Variants in SMAD2 observed in about 807,000 individuals in gnomAD.
SMAD2 encodes the protein MAD homolog 2.
SMAD2 carries 8 observed loss-of-function variants against 64.4 expected under a neutral mutation model. That is an observed-to-expected ratio of 0.12 (90% CI 0.07 to 0.22). SMAD2 has a LOEUF of 0.22. Among genes scored for constraint, SMAD2 ranks in the 10% least tolerant of loss-of-function variants. SMAD2 has a pLI of 1.00. For missense variants in SMAD2, 289 were observed against 561.2 expected (o/e 0.51, Z 4.90); for synonymous variants, 203 against 195.8 (o/e 1.04, Z -0.31).
At position 47,848,687 on chromosome 18, in the gene SMAD2, T is replaced by A. The variant is rs1914770107; in HGVS notation, c.785A>T (p.Asp262Val). Residue 262 changes from aspartate (D) to valine (V), a missense_variant and splice_region_variant, in exon 8 of 11, where the codon GAT (aspartate) becomes GTT (valine). Asp to Val is a radical substitution (Grantham distance 152, BLOSUM62 -3). Transcript: ENST00000262160. Reference protein sequence around the residue: ...TTLSPVNHSLDLQPVTYSEPA... With the variant: ...TTLSPVNHSLVLQPVTYSEPA... ...TTCTGAGTAAGTAACTGGCTGTAAATCTGAAAAAGAAAAAAATAAAAAAAT... is the reference window on the plus strand; with the variant it reads ...TTCTGAGTAAGTAACTGGCTGTAAAACTGAAAAAGAAAAAAATAAAAAAAT... The A allele has an allele frequency of 6.2e-7, 1 of 1,603,494 alleles. No individual in the cohort carries two copies. Among genetic ancestry groups the A allele is most frequent in the Non-Finnish European group, 8.5e-7 (1 of 1,172,510 alleles).
intron 2 of SMAD2, among the ~76,000 whole-genome samples, chr18:47,894,449 T>G (rs971153853): frequency 1.3e-5 from 2 of 152,168 alleles, no homozygotes; most frequent in Admixed American, 1.3e-4. Context: ...GACTCCTTAC[T>G]ACCTATACAC....
At chr18:47,925,488 G>A (rs1298362565) in intron 1 of SMAD2, among the ~76,000 whole-genome samples, 3 of 152,190 alleles carry the variant, frequency 2.0e-5, no homozygotes, top group African/African-American at 7.2e-5. Context: ...TAAAGGCAGT[G>A]TCTAAATCCA....
intron 2 of SMAD2, among the ~76,000 whole-genome samples, chr18:47,895,990 CT>C (rs2033421843): frequency 6.6e-6 from 1 of 152,194 alleles, no homozygotes; most frequent in South Asian, 2.1e-4. Flanking sequence ...AAACTTCAGA[CT>C]TTTAAAGTAA....
intron 7 of SMAD2, among the ~76,000 whole-genome samples, chr18:47,850,189 A>ATTATATATATGTATAATATATAT (rs1291293884): frequency 1.0e-5 from 1 of 99,816 alleles, no homozygotes; most frequent in African/African-American, 4.1e-5. Context: ...TATATATATT[A>ATTATATATATGTATAATATATAT]TATATAGTAT....
chr18:47,848,348 C>T (rs777836211), intron 8 of SMAD2, 127 bp downstream of exon 8: 11 of 727,660 alleles, frequency 1.5e-5, no homozygotes, highest in Non-Finnish European at 2.0e-5. Flanking sequence ...TTAAATGTGT[C>T]GGCACTTAAA....
At chr18:47,859,867 T>C (rs1307203231) in intron 6 of SMAD2, among the ~76,000 whole-genome samples, 1 of 152,184 alleles carries the variant, frequency 6.6e-6, no homozygotes, top group East Asian at 1.9e-4. Flanking sequence ...ACATTATAAA[T>C]TTTAAAATGG....
chr18:47,840,019 T>C lies in SMAD2; in HGVS notation c.*1808A>G, dbSNP rs917293892. The C allele has an allele frequency of 1.7e-5, 4 of 233,078 alleles. No homozygotes were observed. Among genetic ancestry groups the C allele is most frequent in the African/African-American group, 8.8e-5 (4 of 45,336 alleles). The allele number at this position is 233,078 out of a possible 1,614,324, so 14.4% of individuals were successfully genotyped here. ...AGCAAAGGCAGGAACTGTAGTTGTC[T>C]TGTTCACCTTTACCCAAAGACTAAG... is the stretch of plus-strand genomic sequence containing the variant. On this transcript the variant is annotated 3_prime_UTR_variant, in exon 11 of 11. Transcript: ENST00000262160.
At chr18:47,911,009 G>C (rs982560756) in intron 1 of SMAD2, among the ~76,000 whole-genome samples, 3 of 152,104 alleles carry the variant, frequency 2.0e-5, no homozygotes, top group Non-Finnish European at 4.4e-5. Flanking sequence ...TCTCAAAAAA[G>C]GTCCTCAAAC....
At chr18:47,877,231 T>C (rs2032318689) in intron 2 of SMAD2, among the ~76,000 whole-genome samples, 2 of 151,368 alleles carry the variant, frequency 1.3e-5, no homozygotes, top group Admixed American at 6.6e-5. Flanking sequence ...ATTAAAAGCA[T>C]GCTGAACACT....
rs1377370237 is a variant in SMAD2 at position 47,812,615 on chromosome 18, A to G, written c.*29212T>C. The G allele has an allele frequency of 2.0e-5, 3 of 152,148 alleles. No homozygotes were observed. The highest frequency in any genetic ancestry group is 6.5e-5 in the Admixed American group (1 of 15,270). The allele number at this position is 152,148 out of a possible 1,614,324, so 9.4% of individuals were successfully genotyped here. ...CATGGGAGAACCACCCCCATAATAC[A>G]ATTACTTCCTTCCCTCAACATGTAG... On this transcript the variant is annotated 3_prime_UTR_variant, in exon 11 of 11. Transcript: ENST00000262160.
chr18:47,852,612 A>T (rs886958240), intron 6 of SMAD2, among the ~76,000 whole-genome samples: 1 of 152,192 alleles, frequency 6.6e-6, no homozygotes. Flanking sequence ...GTTTGGTAGA[A>T]TTCTTCTGTG....
Position 47,896,805 on chromosome 18 carries a change from C to T in SMAD2, c.-49G>A, listed in dbSNP as rs754849112. ...ACGCTAGGAAAACAGCCTCTTGTAT[C>T]GAACCTAGCAGAAATATTGAAAGGA... On this transcript the variant is annotated 5_prime_UTR_variant, in exon 2 of 11. Transcript: ENST00000262160. 9.9e-5 allele frequency: 158 copies of T among 1,587,950 alleles called. 1 individual carries two copies. The highest frequency in any genetic ancestry group is 5.0e-4 in the Middle Eastern group (3 of 6,048).
intron 7 of SMAD2, among the ~76,000 whole-genome samples, chr18:47,849,787 CGTTTGAGGCCAGGA>C (rs1232322176): frequency 6.6e-5 from 10 of 152,060 alleles, no homozygotes; most frequent in African/African-American, 2.4e-5. Flanking sequence ...GTGGGTGATT[CGTTTGAGGCCAGGA>C]GTTTGAGACC....
chr18:47,918,347 C>G (rs2034417735), intron 1 of SMAD2, among the ~76,000 whole-genome samples: 1 of 152,174 alleles, frequency 6.6e-6, no homozygotes, highest in South Asian at 2.1e-4. Context: ...TACTAGCAGC[C>G]AGACCTCCGC....
intron 6 of SMAD2, 68 bp from the exon 7 acceptor site, chr18:47,851,395 A>G (rs192712100): frequency 2.5e-5 from 25 of 989,624 alleles, no homozygotes; most frequent in Non-Finnish European, 3.7e-5. Context: ...TCATAAAACT[A>G]GCTTTATCTG....
Position 47,838,934 on chromosome 18 carries a change from A to T in SMAD2, c.*2893T>A, listed in dbSNP as rs1314667300. 2 of 233,194 alleles carry T rather than the reference A, an allele frequency of 8.6e-6. No individual in the cohort carries two copies. The highest frequency in any genetic ancestry group is 1.1e-4 in the Admixed American group (2 of 17,782). 14.4% of individuals were successfully genotyped at this position (233,194 alleles called of 1,614,324 possible). On this transcript the variant is annotated 3_prime_UTR_variant, in exon 11 of 11. Coordinates refer to ENST00000262160, the MANE Select transcript of SMAD2 (RefSeq NM_005901.6). ...GAATAAATCCTAAGTAATGTTGCTA[A>T]TTTAAATAAAGACAAAAATTCAACA...
Position 47,827,205 on chromosome 18 carries a change from G to C in SMAD2, c.*14622C>G, listed in dbSNP as rs946077837. 6.6e-6 allele frequency: 1 copy of C among 152,174 alleles called. No individual in the cohort carries two copies. The highest frequency in any genetic ancestry group is 2.4e-5 in the African/African-American group (1 of 41,436). 9.4% of individuals were successfully genotyped at this position (152,174 alleles called of 1,614,324 possible). A position where few individuals can be genotyped will look rare whatever the true frequency, so the allele number is the denominator to read the frequency against. On this transcript the variant is annotated 3_prime_UTR_variant, in exon 11 of 11. Coordinates refer to ENST00000262160, the MANE Select transcript of SMAD2 (RefSeq NM_005901.6). ...TCCAAGGTAACTGAAGTATTTGACT[G>C]TACAGGACTGCTTCCTTCAAGTGTT...
chr18:47,867,001 T>C (rs1296912287), intron 5 of SMAD2: 3 of 152,208 alleles, frequency 2.0e-5, no homozygotes, highest in Admixed American at 2.0e-4. Context: ...AAGGTTAGTA[T>C]TGCTGGCTGA....
chr18:47,889,978 A>G (rs1216838331), intron 2 of SMAD2, among the ~76,000 whole-genome samples: 1 of 152,206 alleles, frequency 6.6e-6, no homozygotes, highest in African/African-American at 2.4e-5. Flanking sequence ...TAATTTCAGT[A>G]ATTTTTATAA....
Sources: allele counts gnomAD v4.1 joint callset (sites outside exome capture counted in the v4.1 genomes callset), GRCh38; gene constraint gnomAD v4.1.1; transcripts MANE v1.5; gene names NCBI Gene and HGNC (gene_info 2026-07-23, HGNC 2026-07-21).